Variants in INPP4B observed in about 807,000 individuals in gnomAD.
INPP4B encodes the protein inositol polyphosphate 4-phosphatase type II.
Under a neutral mutation model 122.5 loss-of-function variants are expected in INPP4B, and 55 were observed. The ratio of observed to expected loss-of-function variants is 0.45; its 90% CI spans 0.36 to 0.56. The LOEUF (loss-of-function observed/expected upper bound fraction) is 0.56, where lower values mean the gene tolerates loss of function less well. Ranked by LOEUF, INPP4B falls within the 20% of genes least tolerant of loss-of-function variation. The pLI is 0.00. For missense variants in INPP4B, 1,000 were observed against 1,097.7 expected (o/e 0.91, Z 1.26); for synonymous variants, 403 against 388.7 (o/e 1.04, Z -0.43).
In INPP4B at chr4:142,028,241, A is replaced by T. The variant is rs1578654975; in HGVS notation, c.*541T>A. On this transcript the variant is annotated 3_prime_UTR_variant, in exon 26 of 26. Coordinates refer to ENST00000262992, the MANE Select transcript of INPP4B (RefSeq NM_001101669.3). ...TGGATGATAGAGATCATTGTGGAAC[A>T]TACCTGCAAACTGCCTCAGTATTCC... The T allele has an allele frequency of 4.4e-6, 1 of 227,404 alleles. No homozygotes were observed. 14.1% of individuals were successfully genotyped at this position (227,404 alleles called of 1,614,324 possible).
At chr4:142,512,720 G>A (rs1824899994) in intron 2 of INPP4B, among the ~76,000 whole-genome samples, 1 of 152,098 alleles carries the variant, frequency 6.6e-6, no homozygotes, top group East Asian at 1.9e-4. Context: ...TACCTAAGCA[G>A]AGCCTCTAAT....
chr4:142,537,293 C>A (rs1828313066), intron 2 of INPP4B, among the ~76,000 whole-genome samples: 1 of 149,966 alleles, frequency 6.7e-6, no homozygotes, highest in South Asian at 2.1e-4. Flanking sequence ...AAAGGGAGAT[C>A]AAAGTGTATA....
At chr4:142,398,401 AATATATATATATATATAT>A (rs1206023677) in intron 7 of INPP4B, among the ~76,000 whole-genome samples, 36 of 28,490 alleles carry the variant, frequency 1.3e-3, no homozygotes, top group East Asian at 9.2e-3. Context: ...AAAAAAAAAA[AATATATATATATATATAT>A]ATATATATAT....
intron 2 of INPP4B, among the ~76,000 whole-genome samples, chr4:142,534,674 ATATAAT>A (rs1827991081): frequency 6.7e-6 from 1 of 150,130 alleles, no homozygotes; most frequent in South Asian, 2.1e-4. Flanking sequence ...TTAATAAATT[ATATAAT>A]TATAATAAAT....
At chr4:142,303,018 A>G (rs1762062333) in intron 9 of INPP4B, among the ~76,000 whole-genome samples, 1 of 152,114 alleles carries the variant, frequency 6.6e-6, no homozygotes, top group Admixed American at 6.6e-5. Flanking sequence ...ATATAAACAC[A>G]TTTTACTCTA....
chr4:142,360,231 C>G (rs1254442488), intron 7 of INPP4B, among the ~76,000 whole-genome samples: 1 of 151,854 alleles, frequency 6.6e-6, no homozygotes, highest in Non-Finnish European at 1.5e-5. Context: ...TATGATGAAC[C>G]ATTTCAGAGA....
intron 1 of INPP4B, among the ~76,000 whole-genome samples, chr4:142,839,814 A>C (rs570747795): frequency 6.6e-6 from 1 of 152,064 alleles, no homozygotes; most frequent in Non-Finnish European, 1.5e-5. Context: ...TTACATAATA[A>C]AAACCTTTTA....
intron 12 of INPP4B, among the ~76,000 whole-genome samples, chr4:142,214,608 G>A (rs765921390): frequency 6.6e-6 from 1 of 152,050 alleles, no homozygotes; most frequent in Non-Finnish European, 1.5e-5. Context: ...GCTGAAATAC[G>A]GTGGTGTGAT....
At chr4:142,615,532 C>T (rs1027652289) in intron 2 of INPP4B, among the ~76,000 whole-genome samples, 1 of 152,106 alleles carries the variant, frequency 6.6e-6, no homozygotes, top group African/African-American at 2.4e-5. Flanking sequence ...TGTGAGTTAG[C>T]CCTTGTCTGG....
At chr4:142,241,340 C>A (rs1406319482) in intron 11 of INPP4B, among the ~76,000 whole-genome samples, 1 of 152,082 alleles carries the variant, frequency 6.6e-6, no homozygotes, top group Non-Finnish European at 1.5e-5. Flanking sequence ...ATTGTGATGA[C>A]AATGTGAGTA....
At chr4:142,812,475 G>A (rs998749761) in intron 1 of INPP4B, among the ~76,000 whole-genome samples, 10 of 152,162 alleles carry the variant, frequency 6.6e-5, no homozygotes, top group African/African-American at 2.4e-4. Context: ...AAATATAGCT[G>A]TTTAACAAAT....
chr4:142,270,633 A>C (rs553827889), intron 10 of INPP4B, 30 bp downstream of exon 10: 1 of 1,392,408 alleles, frequency 7.2e-7, no homozygotes, highest in Admixed American at 1.7e-5. Context: ...TTTTAATTTA[A>C]TTTGTACAAT....
At chr4:142,428,939 G>A (rs1580033959) in intron 5 of INPP4B, among the ~76,000 whole-genome samples, 1 of 151,964 alleles carries the variant, frequency 6.6e-6, no homozygotes, top group East Asian at 1.9e-4. Context: ...TGTGAGATCA[G>A]CAGACCTGGT....
intron 18 of INPP4B, among the ~76,000 whole-genome samples, 154 bp downstream of exon 18, chr4:142,145,686 C>A (rs1473911712): frequency 6.6e-6 from 1 of 151,976 alleles, no homozygotes; most frequent in Non-Finnish European, 1.5e-5. Context: ...TGATAAATAG[C>A]CTTCCATCAT....
chr4:142,028,787 T>C lies in INPP4B; in HGVS notation c.2770A>G (p.Thr924Ala), dbSNP rs1267399573. The change falls in exon 26 of 26, where the codon ACC (threonine) becomes GCC (alanine). Residue 924 changes from threonine to alanine, a missense_variant. By Grantham distance (58) the Thr-to-Ala change is moderately conservative (BLOSUM62 0). Transcript: ENST00000262992. The part of the protein sequence containing the change: ...PPEGTYGKAD[T>A] ...TTATTAACATGTTGGTAAACTTAGG[T>C]GTCAGCTTTTCCATAAGTCCCCTCT... 3.1e-6 allele frequency: 5 copies of C among 1,610,112 alleles called. No individual in the cohort carries two copies. In the African/African-American group the frequency reaches 6.7e-5, roughly 22 times the overall value.
intron 2 of INPP4B, among the ~76,000 whole-genome samples, chr4:142,580,022 C>T (rs115137769): frequency 0.02 from 3,067 of 151,288 alleles, 106 homozygotes; most frequent in African/African-American, 0.069. Context: ...ACGCAGACTT[C>T]GCTCTATTTG....
chr4:142,393,224 G>C (rs1206195438), intron 7 of INPP4B, among the ~76,000 whole-genome samples: 2 of 151,716 alleles, frequency 1.3e-5, no homozygotes, highest in African/African-American at 4.8e-5. Flanking sequence ...GTGAAAACCT[G>C]ACCAAAAAGG....
At chr4:142,720,191 T>C (rs1029496029) in intron 2 of INPP4B, among the ~76,000 whole-genome samples, 2 of 152,176 alleles carry the variant, frequency 1.3e-5, no homozygotes, top group African/African-American at 4.8e-5. Context: ...TTCAAAAATA[T>C]TTTATGCCTG....
intron 2 of INPP4B, among the ~76,000 whole-genome samples, chr4:142,465,979 C>G (rs1817685119): frequency 6.6e-6 from 1 of 152,116 alleles, no homozygotes; most frequent in African/African-American, 2.4e-5. Context: ...GAACTGTGAA[C>G]CAAATAAATC....
Sources: allele counts gnomAD v4.1 joint callset (sites outside exome capture counted in the v4.1 genomes callset), GRCh38; gene constraint gnomAD v4.1.1; transcripts MANE v1.5; gene names NCBI Gene and HGNC (gene_info 2026-07-23, HGNC 2026-07-21).